Variants in CTNNA3 observed in about 807,000 individuals in gnomAD.
CTNNA3 encodes the protein catenin alpha 3, also known as catenin alpha-3.
Under a neutral mutation model 95.7 loss-of-function variants are expected in CTNNA3, and 76 were observed. The observed-to-expected ratio is 0.79, with a 90% confidence interval of 0.66 to 0.96. The LOEUF (loss-of-function observed/expected upper bound fraction) is 0.96, where lower values mean the gene tolerates loss of function less well. CTNNA3 is among the 40% of genes least tolerant of loss of function. The pLI is 0.00. For synonymous variants in CTNNA3, 431 were observed against 374.4 expected, an observed-to-expected ratio of 1.15 and a Z score of -1.74; for missense variants, 1,191 against 1,089.8, an observed-to-expected ratio of 1.09 and a Z score of -1.31.
intron 12 of CTNNA3, among the ~76,000 whole-genome samples, chr10:66,366,835 T>C (rs2092714078): frequency 6.6e-6 from 1 of 152,140 alleles, no homozygotes; most frequent in Admixed American, 6.6e-5. Context: ...TCTGTATGAT[T>C]AAGGTAGATG....
intron 5 of CTNNA3, among the ~76,000 whole-genome samples, chr10:67,353,559 T>A (rs576917865): frequency 6.6e-6 from 1 of 152,084 alleles, no homozygotes; most frequent in Non-Finnish European, 1.5e-5. Flanking sequence ...GACAAGCAAA[T>A]CATCATTTTC....
chr10:66,873,475 G>C (rs576285987), intron 7 of CTNNA3, among the ~76,000 whole-genome samples: 2 of 151,986 alleles, frequency 1.3e-5, no homozygotes, highest in East Asian at 3.9e-4. Context: ...TAGTGACAAT[G>C]AACTTTTTTT....
intron 5 of CTNNA3, among the ~76,000 whole-genome samples, chr10:67,294,158 G>A (rs1839944593): frequency 1.3e-5 from 2 of 151,998 alleles, no homozygotes; most frequent in Admixed American, 6.6e-5. Flanking sequence ...CCAACACCTC[G>A]CTTTTTGAGT....
At chr10:66,670,688 A>G (rs1564608519) in intron 9 of CTNNA3, among the ~76,000 whole-genome samples, 2 of 152,154 alleles carry the variant, frequency 1.3e-5, no homozygotes, top group African/African-American at 2.4e-5. Context: ...TTAAACGTCA[A>G]TGATTAGTAA....
At chr10:67,217,637 C>A (rs74142445) in intron 6 of CTNNA3, among the ~76,000 whole-genome samples, 5,087 of 152,224 alleles carry the variant, frequency 0.033, 95 homozygotes, top group South Asian at 0.092. Flanking sequence ...GTGCCTGTGG[C>A]AGTCACTTTC....
At chr10:67,133,492 G>A (rs1261041631) in intron 7 of CTNNA3, among the ~76,000 whole-genome samples, 1 of 151,300 alleles carries the variant, frequency 6.6e-6, no homozygotes, top group African/African-American at 2.4e-5. Flanking sequence ...ACAAAGTCGT[G>A]GTGAAGAAAT....
intron 13 of CTNNA3, among the ~76,000 whole-genome samples, chr10:66,150,860 A>G (rs577839717): frequency 4.5e-4 from 69 of 152,102 alleles, no homozygotes; most frequent in African/African-American, 1.2e-3. Flanking sequence ...TTTACTGAGG[A>G]ATAATGTTAT....
At chr10:66,134,295 T>TG (rs1273062287) in intron 13 of CTNNA3, among the ~76,000 whole-genome samples, 15 of 152,168 alleles carry the variant, frequency 9.9e-5, no homozygotes, top group Admixed American at 7.2e-4. Context: ...TTGGTGTGGC[T>TG]GTGGAGAAAT....
At chr10:67,169,856 A>G (rs1185776433) in intron 7 of CTNNA3, among the ~76,000 whole-genome samples, 1 of 152,220 alleles carries the variant, frequency 6.6e-6, no homozygotes, top group East Asian at 1.9e-4. Flanking sequence ...AAATATTTGC[A>G]AACTATGCAT....
chr10:66,813,918 A>C (rs1401056292), intron 7 of CTNNA3, among the ~76,000 whole-genome samples: 1 of 151,806 alleles, frequency 6.6e-6, no homozygotes, highest in African/African-American at 2.4e-5. Context: ...GAGGCAAAAA[A>C]CTCACACAAG....
chr10:66,551,167 A>G lies in CTNNA3; in HGVS notation c.1375-30394T>C, dbSNP rs142205298. ...TTTTGTTAGCCAATGTTCGGGGCAG[A>G]TCTGGAAGGTAATAATTTTTCTCAA... On this transcript the variant is annotated intron_variant, in intron 10 of 17. Coordinates refer to ENST00000433211, the MANE Select transcript of CTNNA3 (RefSeq NM_013266.4). 2.3e-3 allele frequency among the ~76,000 whole-genome samples: 354 copies of G among 152,210 alleles called. 2 individuals carry two copies. The highest frequency in any genetic ancestry group is 0.014 in the Middle Eastern group (4 of 294).
chr10:67,054,996 A>C (rs2133199506), intron 7 of CTNNA3: 1 of 152,304 alleles, frequency 6.6e-6, no homozygotes, highest in East Asian at 1.9e-4. Context: ...TCTTAATTAA[A>C]AATAAAATAT....
At chr10:66,106,045 T>C (rs1189502900) in intron 13 of CTNNA3, among the ~76,000 whole-genome samples, 1 of 151,884 alleles carries the variant, frequency 6.6e-6, no homozygotes, top group African/African-American at 2.4e-5. Context: ...CCGTCTCTAC[T>C]AAAAATACAA....
At chr10:67,163,196 A>G (rs1197483833) in intron 7 of CTNNA3, among the ~76,000 whole-genome samples, 2 of 151,990 alleles carry the variant, frequency 1.3e-5, no homozygotes, top group Non-Finnish European at 2.9e-5. Flanking sequence ...ACTCTTCATT[A>G]ATAGAGATGA....
rs1460873707 is a variant in CTNNA3 at position 67,223,900 on chromosome 10, G to A, written c.580-4030C>T. Among the ~76,000 whole-genome samples, 3 of 152,072 alleles carry A rather than the reference G, an allele frequency of 2.0e-5. No individual in the cohort carries two copies. The East Asian group carries it at 5.8e-4, about 29-fold the overall frequency. On this transcript the variant is annotated intron_variant, in intron 5 of 17. Transcript: ENST00000433211. ...TAGAGGACAGTCTCTCAGTTTGAAG[G>A]GATTAAATAAAATTTCTCAGAGAAT...
At chr10:67,084,739 T>C (rs1004429508) in intron 7 of CTNNA3, among the ~76,000 whole-genome samples, 33 of 151,886 alleles carry the variant, frequency 2.2e-4, no homozygotes, top group Middle Eastern at 3.2e-3. Context: ...CATAAAAGCA[T>C]AAGATTAAGC....
intron 12 of CTNNA3, among the ~76,000 whole-genome samples, chr10:66,299,300 C>T (rs1215498248): frequency 6.6e-6 from 1 of 152,210 alleles, no homozygotes; most frequent in Non-Finnish European, 1.5e-5. Flanking sequence ...TCTAAATTAA[C>T]TGAGACCTGT....
At chr10:66,316,524 A>G (rs1458036683) in intron 12 of CTNNA3, among the ~76,000 whole-genome samples, 2 of 152,072 alleles carry the variant, frequency 1.3e-5, no homozygotes, top group African/African-American at 4.8e-5. Flanking sequence ...ACACCATTCC[A>G]TCACACACAG....
intron 13 of CTNNA3, among the ~76,000 whole-genome samples, chr10:66,106,392 C>G (rs2081914429): frequency 6.7e-6 from 1 of 148,174 alleles, no homozygotes; most frequent in Admixed American, 6.8e-5. Context: ...TAATCAATTT[C>G]ATTCTGTGAA....
Sources: allele counts gnomAD v4.1 joint callset (sites outside exome capture counted in the v4.1 genomes callset), GRCh38; gene constraint gnomAD v4.1.1; transcripts MANE v1.5; gene names NCBI Gene and HGNC (gene_info 2026-07-23, HGNC 2026-07-21).